FOXN3: variants seen among roughly 807,000 people sequenced by gnomAD.
FOXN3 encodes the protein forkhead box protein N3.
FOXN3 carries 7 observed loss-of-function variants against 38.4 expected under a neutral mutation model. The observed-to-expected ratio is 0.18, with a 90% CI of 0.10 to 0.34. The LOEUF is 0.34. Among genes scored for constraint, FOXN3 ranks in the 10% least tolerant of loss-of-function variants. The pLI is 1.00. For synonymous variants in FOXN3, 230 were observed against 242.2 expected, an observed-to-expected ratio of 0.95 and a Z score of 0.47; for missense variants, 456 against 613.4, an observed-to-expected ratio of 0.74 and a Z score of 2.71.
chr14:89,442,703 T>A (rs999703596), intron 1 of FOXN3, among the ~76,000 whole-genome samples: 55 of 152,032 alleles, frequency 3.6e-4, no homozygotes, highest in African/African-American at 1.3e-3. Flanking sequence ...TGTCTACTGC[T>A]TGAAGATCTA....
intron 4 of FOXN3, among the ~76,000 whole-genome samples, chr14:89,275,683 C>T (rs753223467): frequency 3.9e-5 from 6 of 152,174 alleles, no homozygotes; most frequent in Non-Finnish European, 8.8e-5. Flanking sequence ...GGGTGATAAA[C>T]GCTGTTACTC....
chr14:89,191,817 G>C (rs1326751195), intron 4 of FOXN3, among the ~76,000 whole-genome samples: 1 of 150,256 alleles, frequency 6.7e-6, no homozygotes, highest in Non-Finnish European at 1.5e-5. Flanking sequence ...CAGGAGGCCT[G>C]TTACTTACAT....
intron 1 of FOXN3, among the ~76,000 whole-genome samples, chr14:89,585,962 T>C (rs964030126): frequency 6.6e-6 from 1 of 152,130 alleles, no homozygotes; most frequent in Non-Finnish European, 1.5e-5. Flanking sequence ...TAGGTTTACA[T>C]GGGAAGTAAC....
upstream of FOXN3, chr14:89,419,215 C>T (rs10147013): frequency 0.016 from 7,159 of 456,012 alleles, 333 homozygotes; most frequent in African/African-American, 0.1. Flanking sequence ...TGGACCAGCC[C>T]TGCCTGATGT....
chr14:89,616,814 GGGCTCATCCTTAGTTTAA>G, intron 1 of FOXN3, among the ~76,000 whole-genome samples: 2 of 152,212 alleles, frequency 1.3e-5, no homozygotes, highest in South Asian at 4.2e-4. Flanking sequence ...GTAAGCCTGG[GGGCTCATCCTTAGTTTAA>G]GGCTCTTTCC....
Position 89,360,767 on chromosome 14 carries a change from T to TACCACCTCCACC in FOXN3, c.544-9971_544-9960dup, listed in dbSNP as rs1342807566. Among the ~76,000 whole-genome samples, 18 of 17,806 alleles carry TACCACCTCCACC rather than the reference T, an allele frequency of 1.0e-3. 2 individuals are homozygous for TACCACCTCCACC. The highest frequency in any genetic ancestry group is 8.2e-3 in the South Asian group (3 of 368). The allele number at this position is 17,806 out of a possible 152,430, so 11.7% of individuals were successfully genotyped here. On this transcript the variant is annotated intron_variant, in intron 2 of 5. Transcript: ENST00000557258. ...CCACCTCCACCACCACCTCCACCAC[T>TACCACCTCCACC]ACCACCTCCACCACCACCTCCACCA...
rs571064459 is a variant in FOXN3, at chr14:89,295,907, A to G, written c.681-14893T>C. Among the ~76,000 whole-genome samples the G allele has an allele frequency of 8.6e-5, 13 of 151,952 alleles. No individual in the cohort carries two copies. The South Asian group carries it at 2.7e-3, about 32-fold the overall frequency. ...CCACCATGCCCGGCCAGGATTTTTAAAACATCTCTTATAAACATAATTAAA... is the reference window on the plus strand; with the variant it reads ...CCACCATGCCCGGCCAGGATTTTTAGAACATCTCTTATAAACATAATTAAA... On this transcript the variant is annotated intron_variant, in intron 3 of 5. Transcript: ENST00000557258.
At chr14:89,351,432 C>A (rs560355257) in intron 2 of FOXN3, 1 of 152,104 alleles carries the variant, frequency 6.6e-6, no homozygotes, top group Non-Finnish European at 1.5e-5. Context: ...TTTTGGATTC[C>A]TCAGTTCCCA....
intron 4 of FOXN3, among the ~76,000 whole-genome samples, chr14:89,222,219 C>T (rs1205624856): frequency 2.0e-5 from 3 of 152,216 alleles, no homozygotes; most frequent in Non-Finnish European, 2.9e-5. Context: ...CTGAGAAGTA[C>T]CCTGCCTATG....
At chr14:89,285,513 C>T (rs182569331) in intron 3 of FOXN3, among the ~76,000 whole-genome samples, 34 of 113,876 alleles carry the variant, frequency 3.0e-4, no homozygotes, top group Admixed American at 2.6e-3. Flanking sequence ...AGCAAGACTC[C>T]GTCTCAAAAC....
chr14:89,345,047 G>A (rs948261615), intron 3 of FOXN3, among the ~76,000 whole-genome samples: 1 of 151,884 alleles, frequency 6.6e-6, no homozygotes, highest in African/African-American at 2.4e-5. Flanking sequence ...GATTCCCCAA[G>A]CAAGCTGGCG....
chr14:89,570,664 CATT>C (rs908643951), intron 1 of FOXN3, among the ~76,000 whole-genome samples: 1 of 151,384 alleles, frequency 6.6e-6, no homozygotes, highest in African/African-American at 2.4e-5. Flanking sequence ...TCTCTTGAAA[CATT>C]ATGAGTTTTT....
intron 3 of FOXN3, among the ~76,000 whole-genome samples, chr14:89,337,064 G>A (rs1888482423): frequency 1.3e-5 from 2 of 152,074 alleles, no homozygotes; most frequent in Non-Finnish European, 2.9e-5. Flanking sequence ...ATCAGGGAGG[G>A]GGAGGTGCCC....
intron 2 of FOXN3, among the ~76,000 whole-genome samples, chr14:89,354,523 G>A (rs1373097972): frequency 1.5e-4 from 22 of 146,866 alleles, no homozygotes; most frequent in Non-Finnish European, 2.2e-4. Flanking sequence ...CACTGCGCCC[G>A]GCCGTGGAGT....
intron 2 of FOXN3, among the ~76,000 whole-genome samples, chr14:89,383,036 T>TC (rs1357538150): frequency 6.7e-6 from 1 of 148,746 alleles, no homozygotes; most frequent in Admixed American, 6.7e-5. Flanking sequence ...GGTGTTTTTT[T>TC]TTTTTTTTTT....
At chr14:89,481,166 G>C (rs1249290723) in intron 1 of FOXN3, among the ~76,000 whole-genome samples, 2 of 151,628 alleles carry the variant, frequency 1.3e-5, no homozygotes, top group Admixed American at 6.6e-5. Flanking sequence ...GGGTTGGGAA[G>C]GGGCCTGTTT....
At chr14:89,292,245 G>A (rs75066688) in intron 3 of FOXN3, among the ~76,000 whole-genome samples, 1 of 152,064 alleles carries the variant, frequency 6.6e-6, no homozygotes, top group African/African-American at 2.4e-5. Flanking sequence ...CCCCTTCCCA[G>A]GACTGATGAT....
chr14:89,217,879 G>A (rs1028249783), intron 4 of FOXN3, among the ~76,000 whole-genome samples: 82 of 152,170 alleles, frequency 5.4e-4, no homozygotes, highest in Non-Finnish European at 7.4e-4. Flanking sequence ...GGCCTGGCTC[G>A]CTATGCTGGT....
chr14:89,482,015 A>C (rs1893341775), intron 1 of FOXN3, among the ~76,000 whole-genome samples: 1 of 152,160 alleles, frequency 6.6e-6, no homozygotes, highest in African/African-American at 2.4e-5. Context: ...TCAATAAAGA[A>C]ATTTATTTTT....
Sources: allele counts gnomAD v4.1 joint callset (sites outside exome capture counted in the v4.1 genomes callset), GRCh38; gene constraint gnomAD v4.1.1; transcripts MANE v1.5; gene names NCBI Gene and HGNC (gene_info 2026-07-23, HGNC 2026-07-21).